ST6GALNAC5: variants seen among roughly 807,000 people sequenced by gnomAD.
ST6GALNAC5 encodes ST6 N-acetylgalactosaminide alpha-2,6-sialyltransferase 5, also known as alpha-N-acetylgalactosaminide alpha-2,6-sialyltransferase 5.
Under a neutral mutation model 33.6 loss-of-function variants are expected in ST6GALNAC5, and 27 were observed. That is an observed-to-expected ratio of 0.80 (90% CI 0.59 to 1.11). The LOEUF is 1.11. Ranked by LOEUF, ST6GALNAC5 falls within the 50% of genes least tolerant of loss-of-function variation. ST6GALNAC5 has a pLI of 0.00. For synonymous variants in ST6GALNAC5, 194 were observed against 171.2 expected, an observed-to-expected ratio of 1.13 and a Z score of -1.04; for missense variants, 428 against 454.0, an observed-to-expected ratio of 0.94 and a Z score of 0.52.
At chr1:76,998,344 T>C (rs1650016952) in intron 2 of ST6GALNAC5, among the ~76,000 whole-genome samples, 1 of 152,044 alleles carries the variant, frequency 6.6e-6, no homozygotes, top group Admixed American at 6.6e-5. Flanking sequence ...TACAGTGAGC[T>C]ATGATTGTGC....
chr1:76,973,805 G>A (rs141708433), intron 2 of ST6GALNAC5, among the ~76,000 whole-genome samples: 1,719 of 152,160 alleles, frequency 0.011, 35 homozygotes, highest in African/African-American at 0.039. Context: ...CAAATATTGT[G>A]GATTCAATAT....
At chr1:77,038,647 CT>C (rs1651736544) in intron 2 of ST6GALNAC5, among the ~76,000 whole-genome samples, 1 of 152,166 alleles carries the variant, frequency 6.6e-6, no homozygotes, top group Non-Finnish European at 1.5e-5. Context: ...TTGGCCTGGC[CT>C]ATTCTCTTAA....
chr1:76,905,271 G>A (rs1411250423), intron 2 of ST6GALNAC5, among the ~76,000 whole-genome samples: 4 of 152,136 alleles, frequency 2.6e-5, no homozygotes, highest in African/African-American at 9.7e-5. Context: ...ACAGTTACGG[G>A]GCTATTATTT....
chr1:76,916,425 G>A (rs1230778209), intron 2 of ST6GALNAC5, among the ~76,000 whole-genome samples: 1 of 152,058 alleles, frequency 6.6e-6, no homozygotes. Flanking sequence ...GCTATACATT[G>A]GTCTTAGGGA....
intron 2 of ST6GALNAC5, among the ~76,000 whole-genome samples, chr1:76,898,295 G>A (rs983536954): frequency 3.3e-5 from 5 of 152,078 alleles, no homozygotes; most frequent in African/African-American, 1.2e-4. Context: ...CAGGCCTTTG[G>A]AGTTCTTGTG....
intron 2 of ST6GALNAC5, among the ~76,000 whole-genome samples, chr1:76,884,452 CT>C (rs34742359): frequency 0.036 from 5,445 of 152,266 alleles, 275 homozygotes; most frequent in Admixed American, 0.15. Context: ...AACTCTCCAC[CT>C]GCAGGACAGC....
intron 2 of ST6GALNAC5, among the ~76,000 whole-genome samples, chr1:77,005,482 A>G (rs1440400731): frequency 6.6e-6 from 1 of 152,200 alleles, no homozygotes; most frequent in African/African-American, 2.4e-5. Context: ...TGTAGACCGG[A>G]GCTGTTCCTA....
intron 2 of ST6GALNAC5, among the ~76,000 whole-genome samples, chr1:77,022,736 C>T (rs199676): frequency 0.2 from 29,707 of 152,120 alleles, 3,095 homozygotes; most frequent in Admixed American, 0.25. Flanking sequence ...TCTGGAATTG[C>T]GAGATTTCAT....
chr1:76,927,328 T>C (rs1330341083), intron 2 of ST6GALNAC5, among the ~76,000 whole-genome samples: 2 of 152,100 alleles, frequency 1.3e-5, no homozygotes, highest in Non-Finnish European at 2.9e-5. Context: ...TTGGCTATAT[T>C]GATATTTCTC....
At chr1:76,989,713 G>C (rs756131278) in intron 2 of ST6GALNAC5, among the ~76,000 whole-genome samples, 5 of 141,462 alleles carry the variant, frequency 3.5e-5, no homozygotes, top group Non-Finnish European at 8.0e-5. Flanking sequence ...AAGGTAGAAC[G>C]CTTCTCAAAA....
chr1:77,038,455 G>C lies in ST6GALNAC5; in HGVS notation c.262-5749G>C, dbSNP rs569613383. Among the ~76,000 whole-genome samples the C allele has an allele frequency of 3.3e-5, 5 of 152,330 alleles. 1 individual carries two copies. In the South Asian group the frequency reaches 1.0e-3, roughly 32 times the overall value. On this transcript the variant is annotated intron_variant, in intron 2 of 4. Coordinates refer to ENST00000477717, the MANE Select transcript of ST6GALNAC5 (RefSeq NM_030965.3). The stretch of plus-strand genomic sequence containing the variant: ...TTTAATATGTCTTATGTTTGCTCCA[G>C]ACTAACAGGCAGCTCCCAGAGCAAG...
intron 2 of ST6GALNAC5, among the ~76,000 whole-genome samples, chr1:76,914,351 A>G (rs1306107043): frequency 6.6e-6 from 1 of 152,190 alleles, no homozygotes; most frequent in Admixed American, 6.5e-5. Flanking sequence ...TTTAAAGTTC[A>G]TGTGGAACCA....
chr1:76,932,473 A>G (rs183554031), intron 2 of ST6GALNAC5, among the ~76,000 whole-genome samples: 1 of 152,196 alleles, frequency 6.6e-6, no homozygotes, highest in African/African-American at 2.4e-5. Flanking sequence ...GTAGGGCTTT[A>G]GGTAAGTATG....
chr1:77,044,450 T>C lies in ST6GALNAC5; in HGVS notation c.508T>C (p.Phe170Leu), dbSNP rs144741784. The C allele has an allele frequency of 1.2e-6, 2 of 1,613,388 alleles. No individual in the cohort carries two copies. Among genetic ancestry groups the C allele is most frequent in the Admixed American group, 1.7e-5 (1 of 59,994 alleles). The change falls in exon 3 of 5, where the codon TTC (phenylalanine) becomes CTC (leucine). Residue 170 changes from phenylalanine (F) to leucine (L), a missense_variant. Coordinates refer to ENST00000477717, the MANE Select transcript of ST6GALNAC5 (RefSeq NM_030965.3). The part of the protein sequence containing the change: ...LNVSQGTVFI[F>L]WGPSSYMRRD... ...CGTGAGCCAGGGCACCGTGTTCATC[T>C]TCTGGGGCCCCAGCAGCTACATGCG...
At chr1:76,952,497 G>A (rs1488330435) in intron 2 of ST6GALNAC5, among the ~76,000 whole-genome samples, 1 of 151,974 alleles carries the variant, frequency 6.6e-6, no homozygotes, top group African/African-American at 2.4e-5. Flanking sequence ...AGTTAAATAT[G>A]AACAGAATTA....
intron 2 of ST6GALNAC5, among the ~76,000 whole-genome samples, chr1:76,876,869 T>G (rs1653652617): frequency 6.6e-6 from 1 of 152,072 alleles, no homozygotes; most frequent in African/African-American, 2.4e-5. Flanking sequence ...CATAGGGAAC[T>G]CCCCATGAGG....
At chr1:77,041,768 T>C (rs571380335) in intron 2 of ST6GALNAC5, among the ~76,000 whole-genome samples, 46 of 152,316 alleles carry the variant, frequency 3.0e-4, no homozygotes, top group African/African-American at 1.1e-3. Flanking sequence ...TACTTAATGT[T>C]CTAGTTAGAT....
chr1:76,889,371 C>T (rs556567095), intron 2 of ST6GALNAC5, among the ~76,000 whole-genome samples: 1 of 152,214 alleles, frequency 6.6e-6, no homozygotes, highest in South Asian at 2.1e-4. Flanking sequence ...CCCATGATTA[C>T]CATCATTCCT....
intron 4 of ST6GALNAC5, among the ~76,000 whole-genome samples, chr1:77,053,956 T>TCAGCA (rs1438445424): frequency 5.9e-5 from 9 of 152,264 alleles, no homozygotes; most frequent in African/African-American, 2.2e-4. Context: ...GAGCCAGATT[T>TCAGCA]CAGCAGGCAA....
Sources: gnomAD v4.1 joint callset for allele counts (sites outside exome capture counted in the v4.1 genomes callset) on GRCh38, gnomAD v4.1.1 for gene constraint, MANE v1.5 for transcripts, NCBI Gene and HGNC (gene_info 2026-07-23, HGNC 2026-07-21) for gene names.